Variants in FBXW10B observed in about 807,000 individuals in gnomAD.
FBXW10B encodes the protein F-box and WD repeat domain containing 10B, also known as F-box and WD repeat domain containing protein 10B.
chr17:15,612,842 A>T, the FBXW10B span: 7 of 1,603,666 alleles, frequency 4.4e-6, no homozygotes, highest in South Asian at 5.6e-5. Context: ...ACAAAAAAAA[A>T]CCAAAAATAA....
chr17:15,602,111 TAAAAAAA>T, the FBXW10B span, among the ~76,000 whole-genome samples: 5 of 131,482 alleles, frequency 3.8e-5, no homozygotes, highest in Admixed American at 3.9e-4. Flanking sequence ...GACTCCGTCT[TAAAAAAA>T]AAAAAAAAAG....
the FBXW10B span, among the ~76,000 whole-genome samples, chr17:15,603,334 A>G: frequency 7.2e-5 from 11 of 152,104 alleles, no homozygotes; most frequent in Admixed American, 5.2e-4. Context: ...CTGGCCCCAC[A>G]CTGCAGATTT....
chr17:15,591,692 TTTTGTTTGTTTG>T, the FBXW10B span, among the ~76,000 whole-genome samples: 1 of 151,520 alleles, frequency 6.6e-6, no homozygotes, highest in African/African-American at 2.4e-5. Context: ...AATTCAGTGT[TTTTGTTTGTTTG>T]TTTGTTTGTT....
At chr17:15,612,829 A>G in the FBXW10B span, 1 of 1,601,578 alleles carries the variant, frequency 6.2e-7, no homozygotes, top group Non-Finnish European at 8.5e-7. Flanking sequence ...GACCCCTGGA[A>G]AAACAAAAAA....
At chr17:15,589,175 T>G in the FBXW10B span, 2 of 1,613,294 alleles carry the variant, frequency 1.2e-6, no homozygotes, top group Non-Finnish European at 1.7e-6. Context: ...TCGATTCCAT[T>G]CCATCCCACG....
chr17:15,605,500 T>C, the FBXW10B span: 6 of 1,219,134 alleles, frequency 4.9e-6, no homozygotes, highest in Non-Finnish European at 6.7e-6. Flanking sequence ...CCCCATGACT[T>C]TTGCCTACAG....
At chr17:15,587,547 C>A in the FBXW10B span, among the ~76,000 whole-genome samples, 214 of 151,668 alleles carry the variant, frequency 1.4e-3, no homozygotes, top group African/African-American at 5.1e-3. Flanking sequence ...CTTTCATATT[C>A]TGTTGCCCTG....
chr17:15,608,136 C>G, the FBXW10B span, among the ~76,000 whole-genome samples: 1 of 150,018 alleles, frequency 6.7e-6, no homozygotes, highest in Admixed American at 6.7e-5. Context: ...GAAATTACTG[C>G]TACACATGCT....
At chr17:15,591,316 G>A in the FBXW10B span, among the ~76,000 whole-genome samples, 13 of 152,104 alleles carry the variant, frequency 8.5e-5, no homozygotes, top group South Asian at 1.4e-3. Context: ...TTGAGATGGC[G>A]TCTCGCTCTG....
chr17:15,602,919 G>T, the FBXW10B span, among the ~76,000 whole-genome samples: 4 of 115,582 alleles, frequency 3.5e-5, 1 homozygote, highest in African/African-American at 8.9e-5. Flanking sequence ...GAGCCACCGC[G>T]CCCGGCGAGA....
At chr17:15,574,341 C>A in the FBXW10B span, 3 of 490,458 alleles carry the variant, frequency 6.1e-6, no homozygotes, top group Middle Eastern at 5.3e-4. Flanking sequence ...CTTCCAGGGA[C>A]ACAAGAAATT....
the FBXW10B span, chr17:15,619,173 C>A: frequency 2.5e-6 from 4 of 1,614,004 alleles, no homozygotes; most frequent in Non-Finnish European, 3.4e-6. Flanking sequence ...TTCTGTTCTA[C>A]TGTTTTATCC....
chr17:15,613,736 A>G, the FBXW10B span: 1 of 1,613,228 alleles, frequency 6.2e-7, no homozygotes, highest in Non-Finnish European at 8.5e-7. Flanking sequence ...GTGTCTATCC[A>G]GCATTCCTGG....
At chr17:15,597,876 C>G in the FBXW10B span, among the ~76,000 whole-genome samples, 1 of 152,166 alleles carries the variant, frequency 6.6e-6, no homozygotes, top group African/African-American at 2.4e-5. Context: ...TTATTATTCC[C>G]CACTACACAG....
chr17:15,613,524 A>G, the FBXW10B span: 896 of 1,053,834 alleles, frequency 8.5e-4, 13 homozygotes, highest in Admixed American at 0.016. Flanking sequence ...AGGCCAGCTA[A>G]GGGTTTACTG....
chr17:15,572,202 G>A, the FBXW10B span: 1 of 151,930 alleles, frequency 6.6e-6, no homozygotes. Context: ...TTTTCCTTGG[G>A]GAATAGAATG....
At chr17:15,604,583 G>A in the FBXW10B span, among the ~76,000 whole-genome samples, 1 of 152,072 alleles carries the variant, frequency 6.6e-6, no homozygotes, top group Non-Finnish European at 1.5e-5. Context: ...CGCCCAGTCT[G>A]GAGTGCAGTG....
chr17:15,587,080 C>A, the FBXW10B span, among the ~76,000 whole-genome samples: 1 of 151,570 alleles, frequency 6.6e-6, no homozygotes, highest in Non-Finnish European at 1.5e-5. Flanking sequence ...CCTGGCTAAG[C>A]ACCCGCACTG....
the FBXW10B span, among the ~76,000 whole-genome samples, chr17:15,617,598 T>C: frequency 1.3e-5 from 2 of 152,214 alleles, no homozygotes; most frequent in Non-Finnish European, 2.9e-5. Flanking sequence ...CTTGGTGCCC[T>C]TCCCACAGTA....
Sources: allele counts gnomAD v4.1 joint callset (sites outside exome capture counted in the v4.1 genomes callset), GRCh38; gene constraint gnomAD v4.1.1; transcripts MANE v1.5; gene names NCBI Gene and HGNC (gene_info 2026-07-23, HGNC 2026-07-21).